The following ATAD2B variants were observed in gnomAD, a reference collection of about 807,000 sequenced individuals.
ATAD2B encodes ATPase family AAA domain-containing protein 2B.
In ATAD2B, 40 loss-of-function variants were observed where a neutral mutation model predicts 167.6. That is an observed-to-expected ratio of 0.24 (90% CI 0.19 to 0.31). The LOEUF (loss-of-function observed/expected upper bound fraction) is 0.31. ATAD2B is among the 10% of genes least tolerant of loss of function. The pLI, the probability that ATAD2B is intolerant of heterozygous loss-of-function variation, is 1.00. For synonymous variants in ATAD2B, 579 were observed against 596.5 expected, an observed-to-expected ratio of 0.97 and a Z score of 0.43; for missense variants, 1,242 against 1,757.2, an observed-to-expected ratio of 0.71 and a Z score of 5.24.
intron 17 of ATAD2B, among the ~76,000 whole-genome samples, chr2:23,813,085 C>T (rs1483812207): frequency 6.6e-6 from 1 of 151,860 alleles, no homozygotes; most frequent in Non-Finnish European, 1.5e-5. Context: ...AGGTTCTGAA[C>T]CCACTATGTT....
intron 1 of ATAD2B, among the ~76,000 whole-genome samples, chr2:23,912,351 T>G (rs1702434621): frequency 1.3e-5 from 2 of 151,514 alleles, no homozygotes; most frequent in African/African-American, 2.4e-5. Flanking sequence ...AAAAAAAAAT[T>G]TTCTAATTAC....
At chr2:23,886,464 G>A (rs1698670858) in intron 4 of ATAD2B, among the ~76,000 whole-genome samples, 1 of 151,894 alleles carries the variant, frequency 6.6e-6, no homozygotes, top group South Asian at 2.1e-4. Flanking sequence ...TCTTTTTATT[G>A]AAGATGGTAT....
chr2:23,778,602 C>A (rs116378372), intron 22 of ATAD2B, among the ~76,000 whole-genome samples: 352 of 152,220 alleles, frequency 2.3e-3, no homozygotes, highest in African/African-American at 8.1e-3. Context: ...AAACAGCTAA[C>A]CTTTATGGAA....
intron 13 of ATAD2B, among the ~76,000 whole-genome samples, chr2:23,855,543 G>C (rs1258259284): frequency 6.6e-6 from 1 of 152,110 alleles, no homozygotes; most frequent in Non-Finnish European, 1.5e-5. Flanking sequence ...TGTTACCTTA[G>C]AAACTTAAAC....
At chr2:23,765,663 A>T (rs760381386) in intron 22 of ATAD2B, 35 bp from the exon 23 acceptor site, 23 of 1,244,442 alleles carry the variant, frequency 1.8e-5, no homozygotes, top group African/African-American at 3.1e-5. Context: ...TATTATAGAA[A>T]CAAATAAAAT....
At chr2:23,862,006 G>A (rs1694443757) in intron 12 of ATAD2B, among the ~76,000 whole-genome samples, 1 of 152,166 alleles carries the variant, frequency 6.6e-6, no homozygotes, top group East Asian at 1.9e-4. Context: ...TTCAAGACCA[G>A]CCTAGGCAAC....
the ATAD2B span, chr2:23,708,551 A>G: frequency 2.6e-5 from 4 of 152,222 alleles, no homozygotes; most frequent in African/African-American, 7.2e-5. Context: ...TGTACATAGT[A>G]TATGTTTACT....
intron 5 of ATAD2B, 87 bp from the exon 6 acceptor site, chr2:23,884,960 C>G (rs1265481567): frequency 3.2e-6 from 2 of 623,288 alleles, no homozygotes; most frequent in Non-Finnish European, 4.9e-6. Flanking sequence ...ACCTGCTCAA[C>G]AAAATTTATT....
At chr2:23,833,755 GA>G (rs1235570462) in intron 14 of ATAD2B, among the ~76,000 whole-genome samples, 163 bp downstream of exon 14, 4 of 152,046 alleles carry the variant, frequency 2.6e-5, no homozygotes, top group Non-Finnish European at 5.9e-5. Flanking sequence ...ATTGTTAATA[GA>G]AAAAAACTGT....
the ATAD2B span, among the ~76,000 whole-genome samples, chr2:23,681,588 C>T: frequency 6.6e-6 from 1 of 152,182 alleles, no homozygotes; most frequent in Non-Finnish European, 1.5e-5. The surrounding 1 kb of genome is among the most constrained non-coding windows in gnomAD (Gnocchi z 4.2). Context: ...CCACATCTGT[C>T]ACTCTCTGCA....
At chr2:23,864,749 C>CA in intron 11 of ATAD2B, 60 bp downstream of exon 11, 1 of 740,750 alleles carries the variant, frequency 1.3e-6, no homozygotes, top group South Asian at 2.3e-5. Context: ...GCAATTTACT[C>CA]AAATAACATT....
chr2:23,925,609 A>T (rs780981758), intron 1 of ATAD2B, among the ~76,000 whole-genome samples: 3 of 152,228 alleles, frequency 2.0e-5, no homozygotes, highest in Non-Finnish European at 4.4e-5. Context: ...AAACAATCTC[A>T]TAGTAAAACA....
the ATAD2B span, among the ~76,000 whole-genome samples, chr2:23,709,568 G>C: frequency 1.3e-5 from 2 of 151,648 alleles, no homozygotes; most frequent in Admixed American, 6.6e-5. Flanking sequence ...ATATTGGCCA[G>C]CTTTGTCATC....
At chr2:23,717,935 C>T in the ATAD2B span, among the ~76,000 whole-genome samples, 1 of 152,042 alleles carries the variant, frequency 6.6e-6, no homozygotes, top group South Asian at 2.1e-4. Context: ...AAGGATGTAA[C>T]AGTGAATAAA....
At chr2:23,852,065 T>C (rs1476162694) in intron 13 of ATAD2B, among the ~76,000 whole-genome samples, 2 of 152,190 alleles carry the variant, frequency 1.3e-5, no homozygotes, top group African/African-American at 4.8e-5. Context: ...AACAAATTCC[T>C]TTAAAGATAA....
intron 7 of ATAD2B, among the ~76,000 whole-genome samples, chr2:23,878,433 C>T (rs902290506): frequency 1.3e-5 from 2 of 151,260 alleles, no homozygotes; most frequent in Non-Finnish European, 2.9e-5. Context: ...CTGAGGCGGG[C>T]GGATCATGAG....
intron 13 of ATAD2B, among the ~76,000 whole-genome samples, chr2:23,841,098 ATTTTTTT>A (rs572061183): frequency 1.7e-5 from 2 of 117,180 alleles, no homozygotes; most frequent in East Asian, 2.3e-4. Context: ...ATGCATGGCT[ATTTTTTT>A]TTTTTTTTTT....
At chr2:23,883,948 A>G (rs1046898483) in intron 6 of ATAD2B, among the ~76,000 whole-genome samples, 5 of 152,144 alleles carry the variant, frequency 3.3e-5, no homozygotes, top group African/African-American at 7.2e-5. Context: ...GTTCAACACA[A>G]GCCTGGCCAA....
At chr2:23,715,559 G>A in the ATAD2B span, among the ~76,000 whole-genome samples, 7 of 151,500 alleles carry the variant, frequency 4.6e-5, no homozygotes, top group South Asian at 4.2e-4. Flanking sequence ...GGGCAACAGA[G>A]CAAGACTCTG....
Sources: allele counts gnomAD v4.1 joint callset (sites outside exome capture counted in the v4.1 genomes callset), GRCh38; gene constraint gnomAD v4.1.1; non-coding constraint Gnocchi (gnomAD v3.1); transcripts MANE v1.5; gene names NCBI Gene and HGNC (gene_info 2026-07-23, HGNC 2026-07-21).